The following ANAPC10 variants were observed in gnomAD, a reference collection of about 807,000 sequenced individuals.
ANAPC10 encodes anaphase promoting complex subunit 10.
Under a neutral mutation model 22.0 loss-of-function variants are expected in ANAPC10, and 12 were observed. The ratio of observed to expected loss-of-function variants is 0.55; its 90% CI spans 0.35 to 0.88. The LOEUF is 0.88. ANAPC10 is among the 40% of genes least tolerant of loss of function. The pLI is 0.01. For missense variants in ANAPC10, 188 were observed against 220.9 expected, an observed-to-expected ratio of 0.85 and a Z score of 0.94; for synonymous variants, 65 against 69.5, an observed-to-expected ratio of 0.94 and a Z score of 0.32.
At chr4:145,006,803 T>G (rs1444400258) in intron 4 of ANAPC10, among the ~76,000 whole-genome samples, 4 of 152,126 alleles carry the variant, frequency 2.6e-5, no homozygotes, top group Non-Finnish European at 5.9e-5. Flanking sequence ...TGTCCTGTTT[T>G]GTTGCCTCTG....
intron 3 of ANAPC10, 53 bp downstream of exon 3, chr4:145,081,607 T>C: frequency 8.9e-7 from 1 of 1,125,084 alleles, no homozygotes; most frequent in South Asian, 1.5e-5. Context: ...ATAAAATAGA[T>C]TTATTTGTCT....
intron 4 of ANAPC10, among the ~76,000 whole-genome samples, chr4:145,026,371 G>A (rs146941258): frequency 2.6e-5 from 4 of 152,074 alleles, no homozygotes; most frequent in African/African-American, 4.8e-5. Flanking sequence ...AGTAATAAAC[G>A]TAATCGATAA....
chr4:145,001,033 G>A (rs996964246), intron 4 of ANAPC10, among the ~76,000 whole-genome samples: 47 of 152,172 alleles, frequency 3.1e-4, no homozygotes, highest in African/African-American at 9.9e-4. Context: ...GGGGCCTGTC[G>A]TAGGGTGCAG....
At chr4:145,018,706 C>G (rs1010716870) in intron 4 of ANAPC10, among the ~76,000 whole-genome samples, 2 of 151,304 alleles carry the variant, frequency 1.3e-5, no homozygotes, top group African/African-American at 4.9e-5. Context: ...AAGAGACTCA[C>G]ATAACACACA....
intron 4 of ANAPC10, among the ~76,000 whole-genome samples, chr4:145,002,341 G>T (rs1385253071): frequency 6.6e-6 from 1 of 152,096 alleles, no homozygotes; most frequent in South Asian, 2.1e-4. Context: ...CAACTCAAAA[G>T]GCTCACTATG....
chr4:145,094,752 TA>T (rs1226583946), intron 2 of ANAPC10, among the ~76,000 whole-genome samples: 2 of 142,908 alleles, frequency 1.4e-5, no homozygotes, highest in African/African-American at 5.2e-5. Context: ...AACTCAAGAA[TA>T]AAGAGAAAAA....
At chr4:145,088,761 C>T (rs1292653587) in intron 2 of ANAPC10, among the ~76,000 whole-genome samples, 1 of 152,200 alleles carries the variant, frequency 6.6e-6, no homozygotes, top group Non-Finnish European at 1.5e-5. Flanking sequence ...AGATCATCTT[C>T]CTCTCCTGCT....
At chr4:145,064,544 C>A in intron 4 of ANAPC10, 28 bp downstream of exon 4, 1 of 1,573,534 alleles carries the variant, frequency 6.4e-7, no homozygotes, top group South Asian at 1.1e-5. Context: ...TAAAGGATGA[C>A]ATATTTTTAA....
chr4:145,005,074 T>C (rs902298853), intron 4 of ANAPC10, among the ~76,000 whole-genome samples: 1 of 152,160 alleles, frequency 6.6e-6, no homozygotes, highest in Non-Finnish European at 1.5e-5. Flanking sequence ...TCAGAGATTA[T>C]ATTTCCAAGA....
Position 145,064,615 on chromosome 4 carries a change from G to T in ANAPC10, c.284C>A (p.Ser95Ter). 1 of 1,608,786 alleles carries T rather than the reference G, an allele frequency of 6.2e-7. No individual in the cohort carries two copies. The highest frequency in any genetic ancestry group is 2.2e-5 in the East Asian group (1 of 44,642). ...GTGAAAATTATTTCCTACTCTGACT[G>T]AGATCTTGCTTGGAGTATAGCTTTC... Reference protein sequence around the residue: ...SDESYTPSKISVRVGNNFHNL... With the variant: ...SDESYTPSKI Residue 95 changes from serine to a stop codon, truncating the protein, a stop_gained, in exon 4 of 5, where the codon TCA becomes TAA. Transcript: ENST00000507656. LOFTEE classifies it high-confidence loss of function.
intron 4 of ANAPC10, among the ~76,000 whole-genome samples, chr4:145,020,704 C>G (rs967675065): frequency 1.3e-5 from 2 of 152,020 alleles, no homozygotes; most frequent in African/African-American, 4.8e-5. Context: ...CCAGAAAGCT[C>G]CTAGAACTGA....
At chr4:145,002,777 TTACA>T (rs1732764776) in intron 4 of ANAPC10, among the ~76,000 whole-genome samples, 1 of 152,170 alleles carries the variant, frequency 6.6e-6, no homozygotes, top group Admixed American at 6.5e-5. Flanking sequence ...CATTAAAAAG[TTACA>T]TACATATGTA....
At chr4:145,002,817 A>C (rs947025713) in intron 4 of ANAPC10, among the ~76,000 whole-genome samples, 1 of 152,208 alleles carries the variant, frequency 6.6e-6, no homozygotes, top group Admixed American at 6.6e-5. Context: ...TTAAACTTAC[A>C]AAATTATATA....
At chr4:145,084,402 T>C (rs1746559776) in intron 2 of ANAPC10, among the ~76,000 whole-genome samples, 1 of 152,102 alleles carries the variant, frequency 6.6e-6, no homozygotes, top group Admixed American at 6.6e-5. Context: ...CAACAGTGGG[T>C]CCTTTGAGAG....
chr4:145,009,271 A>G (rs575706721), intron 4 of ANAPC10, among the ~76,000 whole-genome samples: 1 of 152,294 alleles, frequency 6.6e-6, no homozygotes, highest in South Asian at 2.1e-4. Flanking sequence ...GGTAATTTAT[A>G]GATTCAATGT....
intron 4 of ANAPC10, among the ~76,000 whole-genome samples, chr4:145,018,663 A>G (rs1267323550): frequency 1.3e-5 from 2 of 152,066 alleles, no homozygotes; most frequent in Non-Finnish European, 2.9e-5. Context: ...AAAAAAAAAA[A>G]AAAATTTCAC....
intron 4 of ANAPC10, among the ~76,000 whole-genome samples, chr4:145,014,743 G>A (rs985471115): frequency 1.3e-5 from 2 of 152,162 alleles, no homozygotes; most frequent in African/African-American, 4.8e-5. Context: ...GAGACCCACA[G>A]ACGGTTCACA....
intron 2 of ANAPC10, among the ~76,000 whole-genome samples, chr4:145,088,309 T>C (rs1747186084): frequency 6.6e-6 from 1 of 152,214 alleles, no homozygotes; most frequent in Non-Finnish European, 1.5e-5. Context: ...GGCACACTGA[T>C]GACCTTCAAA....
chr4:145,094,953 T>A (rs1748276992), intron 2 of ANAPC10, among the ~76,000 whole-genome samples: 1 of 152,158 alleles, frequency 6.6e-6, no homozygotes, highest in African/African-American at 2.4e-5. Flanking sequence ...TTGGCGTATG[T>A]TATCACTCAT....
Sources: allele counts gnomAD v4.1 joint callset (sites outside exome capture counted in the v4.1 genomes callset), GRCh38; gene constraint gnomAD v4.1.1; transcripts MANE v1.5; gene names NCBI Gene and HGNC (gene_info 2026-07-23, HGNC 2026-07-21).